The following CENPP variants were observed in gnomAD, a reference collection of about 807,000 sequenced individuals.
CENPP encodes centromere protein P.
A neutral mutation model predicts 35.6 loss-of-function variants in CENPP; 24 were observed. The observed-to-expected ratio is 0.67, with a 90% CI of 0.49 to 0.95. The LOEUF (loss-of-function observed/expected upper bound fraction) is 0.95, where lower values mean the gene tolerates loss of function less well. Among genes scored for constraint, CENPP ranks in the 40% least tolerant of loss-of-function variants. CENPP has a pLI of 0.00. For missense variants in CENPP, 332 were observed against 345.3 expected (o/e 0.96, Z 0.31); for synonymous variants, 120 against 125.5 (o/e 0.96, Z 0.29).
At chr9:92,577,151 A>C (rs889506686) in intron 5 of CENPP, among the ~76,000 whole-genome samples, 7 of 152,238 alleles carry the variant, frequency 4.6e-5, no homozygotes, top group Non-Finnish European at 1.0e-4. Flanking sequence ...TAAAATTTGA[A>C]GATTCACATA....
intron 5 of CENPP, among the ~76,000 whole-genome samples, chr9:92,583,583 T>C (rs923643623): frequency 6.6e-6 from 1 of 152,224 alleles, no homozygotes; most frequent in Non-Finnish European, 1.5e-5. Context: ...TATTTCATTC[T>C]TAGCATTTTT....
At chr9:92,515,102 G>A in intron 5 of CENPP, 3 of 1,614,024 alleles carry the variant, frequency 1.9e-6, no homozygotes, top group Non-Finnish European at 2.5e-6. Context: ...GGAGGTGGCA[G>A]TTGCTTATGA....
intron 5 of CENPP, among the ~76,000 whole-genome samples, chr9:92,586,425 CA>C (rs986373261): frequency 7.9e-5 from 12 of 152,076 alleles, no homozygotes; most frequent in African/African-American, 2.7e-4. Flanking sequence ...CAGACAAATC[CA>C]AAAACCCTCG....
chr9:92,601,666 T>G (rs1003983438), intron 5 of CENPP, among the ~76,000 whole-genome samples: 4 of 152,180 alleles, frequency 2.6e-5, no homozygotes, highest in Admixed American at 2.6e-4. Flanking sequence ...TCACGCTCCA[T>G]GTGCCCACAG....
At chr9:92,422,242 C>T (rs1043275583) in intron 5 of CENPP, among the ~76,000 whole-genome samples, 10 of 151,920 alleles carry the variant, frequency 6.6e-5, no homozygotes, top group African/African-American at 1.9e-4. Context: ...TTAGTTAAGA[C>T]GGGATTTTGC....
chr9:92,569,346 C>T (rs530007892), intron 5 of CENPP, among the ~76,000 whole-genome samples: 4 of 152,136 alleles, frequency 2.6e-5, no homozygotes, highest in Non-Finnish European at 5.9e-5. Flanking sequence ...GAATCCTTTC[C>T]CCATTTCTTG....
At chr9:92,513,801 G>A (rs1049370569) in intron 5 of CENPP, among the ~76,000 whole-genome samples, 3 of 152,194 alleles carry the variant, frequency 2.0e-5, no homozygotes. Flanking sequence ...AAGGAATTTT[G>A]GGGAGTGATA....
At chr9:92,481,216 G>A (rs917890285) in intron 5 of CENPP, among the ~76,000 whole-genome samples, 4 of 152,020 alleles carry the variant, frequency 2.6e-5, no homozygotes, top group African/African-American at 9.7e-5. Context: ...GTTTTTAATT[G>A]AGTAGTTAGT....
At chr9:92,500,780 C>G in intron 5 of CENPP, 1 of 1,614,052 alleles carries the variant, frequency 6.2e-7, no homozygotes, top group Non-Finnish European at 8.5e-7. Flanking sequence ...TTTCTTGTAT[C>G]CCAGGTGGTA....
intron 4 of CENPP, among the ~76,000 whole-genome samples, chr9:92,347,652 T>G (rs2130807055): frequency 6.6e-6 from 1 of 152,356 alleles, no homozygotes; most frequent in African/African-American, 2.4e-5. Flanking sequence ...CTTTAGGTTT[T>G]GAAAAATTTT....
At chr9:92,452,042 A>C (rs1429222601) in intron 5 of CENPP, among the ~76,000 whole-genome samples, 1 of 148,484 alleles carries the variant, frequency 6.7e-6, no homozygotes, top group East Asian at 2.0e-4. Flanking sequence ...TGTCATCTGC[A>C]AACAGGGACA....
At chr9:92,412,060 T>C (rs1843458851) in intron 5 of CENPP, among the ~76,000 whole-genome samples, 1 of 152,092 alleles carries the variant, frequency 6.6e-6, no homozygotes, top group African/African-American at 2.4e-5. Context: ...TTAAAGTATA[T>C]AATTTAATTA....
chr9:92,541,652 C>T (rs1039870420), intron 5 of CENPP, among the ~76,000 whole-genome samples: 5 of 151,874 alleles, frequency 3.3e-5, no homozygotes, highest in African/African-American at 1.2e-4. Flanking sequence ...TCATAAATAA[C>T]AGAATTTGCT....
chr9:92,439,146 A>G (rs2130999685), intron 5 of CENPP, among the ~76,000 whole-genome samples: 1 of 152,202 alleles, frequency 6.6e-6, no homozygotes, highest in East Asian at 1.9e-4. Context: ...TTTCCCAAGT[A>G]TTTTTATTAG....
intron 5 of CENPP, among the ~76,000 whole-genome samples, chr9:92,575,505 C>A (rs1201703396): frequency 6.6e-6 from 1 of 152,190 alleles, no homozygotes; most frequent in Non-Finnish European, 1.5e-5. Context: ...GATACCACCT[C>A]ACACCCATTA....
intron 5 of CENPP, chr9:92,457,433 C>T (rs1248116660): frequency 6.2e-7 from 1 of 1,613,480 alleles, no homozygotes; most frequent in African/African-American, 1.3e-5. Context: ...CACTGTTGGA[C>T]AGAAGTCATT....
intron 5 of CENPP, chr9:92,403,334 T>G: frequency 6.2e-7 from 1 of 1,613,642 alleles, no homozygotes; most frequent in Non-Finnish European, 8.5e-7. Context: ...GCGTGAGTCC[T>G]GCTGGGTTGG....
At chr9:92,546,079 C>T (rs1302682341) in intron 5 of CENPP, among the ~76,000 whole-genome samples, 2 of 152,106 alleles carry the variant, frequency 1.3e-5, no homozygotes, top group Non-Finnish European at 2.9e-5. Context: ...CACCCTGTGT[C>T]TAGCTCAGGG....
At chr9:92,589,914 A>G (rs866576190) in intron 5 of CENPP, among the ~76,000 whole-genome samples, 2 of 140,484 alleles carry the variant, frequency 1.4e-5, no homozygotes, top group African/African-American at 4.9e-5. Context: ...TTTAATTATG[A>G]TGTTTTTATT....
Sources: allele counts gnomAD v4.1 joint callset (sites outside exome capture counted in the v4.1 genomes callset), GRCh38; gene constraint gnomAD v4.1.1; transcripts MANE v1.5; gene names NCBI Gene and HGNC (gene_info 2026-07-23, HGNC 2026-07-21).